Variants in GLIS3 observed in about 807,000 individuals in gnomAD.
GLIS3 encodes GLIS family zinc finger 3.
In GLIS3, 53 loss-of-function variants were observed where a neutral mutation model predicts 78.6. The ratio of observed to expected loss-of-function variants is 0.67; its 90% CI spans 0.54 to 0.85. GLIS3 has a LOEUF of 0.85. GLIS3 is among the 40% of genes least tolerant of loss of function. GLIS3 has a pLI of 0.00. For missense variants in GLIS3, 1,703 were observed against 1,231.1 expected, an observed-to-expected ratio of 1.38 and a Z score of -5.74; for synonymous variants, 684 against 509.9, an observed-to-expected ratio of 1.34 and a Z score of -4.60.
chr9:4,056,190 G>A (rs1028713278), intron 4 of GLIS3, among the ~76,000 whole-genome samples: 2 of 152,202 alleles, frequency 1.3e-5, no homozygotes, highest in Admixed American at 6.5e-5. Context: ...AGGGTGTCCT[G>A]CAAAGTAGAA....
chr9:4,256,976 A>G (rs1024098541), intron 2 of GLIS3, among the ~76,000 whole-genome samples: 19 of 152,198 alleles, frequency 1.2e-4, no homozygotes, highest in African/African-American at 4.1e-4. Context: ...ATGGACAAAG[A>G]AGTTGTGGTA....
Position 3,898,671 on chromosome 9 carries a change from T to C in GLIS3, c.2128+20A>G, listed in dbSNP as rs578155771. ...CTAAAAAAGGGTAGTTGTGGTTGGC[T>C]CTGCCTTTGCTGTCTTTACCTGAAT... On this transcript the variant is annotated intron_variant, in intron 7 of 10. Transcript: ENST00000381971. The C allele has an allele frequency of 6.2e-7, 1 of 1,614,060 alleles. No homozygotes were observed. The highest frequency in any genetic ancestry group is 1.1e-5 in the South Asian group (1 of 91,082).
chr9:4,290,571 G>A (rs1470030376), intron 1 of GLIS3, among the ~76,000 whole-genome samples: 2 of 152,070 alleles, frequency 1.3e-5, no homozygotes, highest in Non-Finnish European at 2.9e-5. Flanking sequence ...TTATTCTCAT[G>A]CACGGCTGCA....
chr9:4,369,314 T>G, the GLIS3 span, among the ~76,000 whole-genome samples: 1 of 152,220 alleles, frequency 6.6e-6, no homozygotes, highest in East Asian at 1.9e-4. Context: ...GAGCATCCAC[T>G]TTGCTCTCTG....
At chr9:4,131,505 T>C (rs557812027) in intron 2 of GLIS3, among the ~76,000 whole-genome samples, 1 of 152,262 alleles carries the variant, frequency 6.6e-6, no homozygotes, top group South Asian at 2.1e-4. Flanking sequence ...TTTGCTGCTA[T>C]TCTCGTGTTA....
chr9:4,279,841 G>T (rs527730561), intron 2 of GLIS3, among the ~76,000 whole-genome samples: 56 of 151,542 alleles, frequency 3.7e-4, no homozygotes, highest in African/African-American at 1.3e-3. Context: ...AAAAAGTCTG[G>T]TGAAGTAGGC....
At chr9:4,204,025 T>C (rs1432638135) in intron 2 of GLIS3, among the ~76,000 whole-genome samples, 4 of 152,308 alleles carry the variant, frequency 2.6e-5, no homozygotes, top group African/African-American at 7.2e-5. Context: ...TGCGTTAACA[T>C]GATCCATCCT....
chr9:3,851,322 A>G (rs1349567109), intron 9 of GLIS3, among the ~76,000 whole-genome samples: 1 of 152,244 alleles, frequency 6.6e-6, no homozygotes, highest in Non-Finnish European at 1.5e-5. Flanking sequence ...ACATGATTGC[A>G]GAGTGTCCCT....
At chr9:3,958,715 G>A (rs1817331549) in intron 4 of GLIS3, among the ~76,000 whole-genome samples, 1 of 152,194 alleles carries the variant, frequency 6.6e-6, no homozygotes, top group African/African-American at 2.4e-5. Flanking sequence ...ACAAACAAAT[G>A]CAATAGAATG....
chr9:4,326,964 A>G (rs1817609847), intron 2 of GLIS3, among the ~76,000 whole-genome samples: 1 of 152,218 alleles, frequency 6.6e-6, no homozygotes, highest in South Asian at 2.1e-4. Context: ...ATACTTATTG[A>G]GTTGCCTGTG....
At chr9:3,983,830 C>G (rs1430385462) in intron 4 of GLIS3, among the ~76,000 whole-genome samples, 1 of 152,120 alleles carries the variant, frequency 6.6e-6, no homozygotes, top group Non-Finnish European at 1.5e-5. Context: ...CTAAGGGAAG[C>G]AGAGCACAAA....
At chr9:4,056,108 C>T (rs1428678834) in intron 4 of GLIS3, among the ~76,000 whole-genome samples, 2 of 152,056 alleles carry the variant, frequency 1.3e-5, no homozygotes, top group African/African-American at 4.8e-5. Context: ...CCCATTTGGC[C>T]GTGATTATAT....
intron 1 of GLIS3, among the ~76,000 whole-genome samples, chr9:4,294,444 G>A (rs980940882): frequency 6.6e-6 from 1 of 152,112 alleles, no homozygotes; most frequent in Non-Finnish European, 1.5e-5. Flanking sequence ...AGGAGGGGGA[G>A]GTTGCAGTAA....
the GLIS3 span, among the ~76,000 whole-genome samples, chr9:4,378,305 T>A: frequency 0.29 from 43,789 of 152,088 alleles, 6,654 homozygotes; most frequent in Middle Eastern, 0.43. Flanking sequence ...CAATGAACAC[T>A]TTTTTAGTAT....
chr9:4,135,897 G>T (rs1191346174), intron 2 of GLIS3, among the ~76,000 whole-genome samples: 1 of 152,050 alleles, frequency 6.6e-6, no homozygotes, highest in Non-Finnish European at 1.5e-5. Context: ...AACACCCTAG[G>T]CTTGCTATGT....
At chr9:4,022,831 C>CTGGT (rs1823000307) in intron 4 of GLIS3, among the ~76,000 whole-genome samples, 1 of 152,202 alleles carries the variant, frequency 6.6e-6, no homozygotes, top group Non-Finnish European at 1.5e-5. Flanking sequence ...AAAGTATACA[C>CTGGT]TATATGATAC....
chr9:4,075,113 C>T (rs1827934214), intron 4 of GLIS3, among the ~76,000 whole-genome samples: 1 of 123,864 alleles, frequency 8.1e-6, no homozygotes. Flanking sequence ...ACAACAACAA[C>T]AAAGGGAATT....
chr9:4,327,654 C>G (rs1194480903), intron 2 of GLIS3, among the ~76,000 whole-genome samples: 1 of 152,196 alleles, frequency 6.6e-6, no homozygotes, highest in Non-Finnish European at 1.5e-5. Flanking sequence ...TGAATAAAGG[C>G]CAGTCAGTGC....
At chr9:4,168,101 AG>A (rs1332260953) in intron 2 of GLIS3, among the ~76,000 whole-genome samples, 3 of 152,146 alleles carry the variant, frequency 2.0e-5, no homozygotes, top group Non-Finnish European at 4.4e-5. Context: ...TTGACAGCAA[AG>A]GCTTTCAACT....
Sources: allele counts gnomAD v4.1 joint callset (sites outside exome capture counted in the v4.1 genomes callset), GRCh38; gene constraint gnomAD v4.1.1; transcripts MANE v1.5; gene names NCBI Gene and HGNC (gene_info 2026-07-23, HGNC 2026-07-21).